The following KIAA1671 variants were observed in gnomAD, a reference collection of about 807,000 sequenced individuals.
KIAA1671 encodes uncharacterized protein KIAA1671.
KIAA1671 carries 52 observed loss-of-function variants against 131.2 expected under a neutral mutation model. The observed-to-expected ratio is 0.40, with a 90% confidence interval of 0.32 to 0.50. The LOEUF is 0.50. KIAA1671 is among the 20% of genes least tolerant of loss of function. The probability of loss-of-function intolerance (pLI) is 0.73; values close to 1 mark genes in which losing one functional copy is unlikely to be tolerated. For synonymous variants in KIAA1671, 1,003 were observed against 961.6 expected (o/e 1.04, Z -0.80); for missense variants, 2,360 against 2,364.2 (o/e 1.00, Z 0.04).
At chr22:25,171,583 T>C (rs1207575908) in intron 7 of KIAA1671, among the ~76,000 whole-genome samples, 1 of 151,970 alleles carries the variant, frequency 6.6e-6, no homozygotes, top group Non-Finnish European at 1.5e-5. Context: ...GGTGTGGTGG[T>C]GGGCACCTGT....
chr22:25,078,649 C>T (rs1383780602), intron 6 of KIAA1671, among the ~76,000 whole-genome samples: 6 of 152,208 alleles, frequency 3.9e-5, no homozygotes, highest in Non-Finnish European at 7.4e-5. Context: ...CATACGCACA[C>T]CGTAAGCAAT....
rs376879170 is a variant in KIAA1671 at position 25,173,843 on chromosome 22, TGGAAATCCAGTGTGTAAGGTATA to T, written c.4650-378_4650-356del. Among the ~76,000 whole-genome samples, 707 of 152,324 alleles carry T rather than the reference TGGAAATCCAGTGTGTAAGGTATA, an allele frequency of 4.6e-3. 5 individuals are homozygous for T. The highest frequency in any genetic ancestry group is 0.016 in the African/African-American group (669 of 41,564). ...CATTCTTTTTTTCTATTCAAAGTAT[TGGAAATCCAGTGTGTAAGGTATA>T]GGAAATCCAGTGTGTAAGATGCTCA... On this transcript the variant is annotated intron_variant, in intron 7 of 12. Coordinates refer to ENST00000358431, the MANE Select transcript of KIAA1671 (RefSeq NM_001145206.2).
rs568184163 is a variant in KIAA1671 at position 25,179,131 on chromosome 22, G to A, written c.5074+1609G>A. Among the ~76,000 whole-genome samples the A allele has an allele frequency of 2.8e-4, 43 of 152,312 alleles. 1 individual carries two copies. Among genetic ancestry groups the A allele is most frequent in the Admixed American group, 2.7e-3 (41 of 15,310 alleles). ...CCCGGCGGCTCCTGCAGGGGAAGCC[G>A]TGGTCAGCGACTCACCACGAGGACA... is the stretch of plus-strand genomic sequence containing the variant. On this transcript the variant is annotated intron_variant, in intron 9 of 12. Transcript: ENST00000358431.
intron 1 of KIAA1671, among the ~76,000 whole-genome samples, chr22:24,978,090 G>A (rs1412040400): frequency 1.3e-5 from 2 of 151,968 alleles, no homozygotes; most frequent in Admixed American, 6.6e-5. Context: ...TTTCATCCCC[G>A]CAACAGCCCC....
rs115815007 is a variant in KIAA1671, at chr22:24,998,248, A to G, written c.-207-27385A>G. Among the ~76,000 whole-genome samples, 1,469 of 152,152 alleles carry G rather than the reference A, an allele frequency of 9.7e-3. 32 individuals are homozygous for G. The highest frequency in any genetic ancestry group is 0.034 in the African/African-American group (1,406 of 41,490). On this transcript the variant is annotated intron_variant, in intron 1 of 12. Transcript: ENST00000358431. ...AAACCCCATCTCTACAAAAAAATAAAACACAACAACAAAAAATTAGACGGG... is the reference window on the plus strand; with the variant it reads ...AAACCCCATCTCTACAAAAAAATAAGACACAACAACAAAAAATTAGACGGG...
At chr22:25,074,443 T>C (rs1037571242) in intron 6 of KIAA1671, among the ~76,000 whole-genome samples, 3 of 137,832 alleles carry the variant, frequency 2.2e-5, no homozygotes, top group Non-Finnish European at 4.5e-5. Flanking sequence ...AGCCGGAGGT[T>C]GCAGTGAGCC....
intron 1 of KIAA1671, among the ~76,000 whole-genome samples, chr22:25,020,364 A>G (rs1925597870): frequency 6.6e-6 from 1 of 152,240 alleles, no homozygotes; most frequent in African/African-American, 2.4e-5. Flanking sequence ...TTGAAAGTGA[A>G]TATTGCCGAA....
chr22:25,178,050 A>C (rs1192092086), intron 9 of KIAA1671, among the ~76,000 whole-genome samples: 2 of 152,152 alleles, frequency 1.3e-5, no homozygotes, highest in Admixed American at 6.5e-5. Context: ...TCTGGGTCCT[A>C]AGAGAACTCA....
chr22:24,979,358 A>ATT lies in KIAA1671; in HGVS notation c.-208+26594_-208+26595dup, dbSNP rs60107890. 3.9e-4 allele frequency among the ~76,000 whole-genome samples: 49 copies of ATT among 125,326 alleles called. 1 individual carries two copies. Among genetic ancestry groups the ATT allele is most frequent in the African/African-American group, 1.4e-3 (44 of 32,142 alleles). The allele number at this position is 125,326 out of a possible 152,430, so 82.2% of individuals were successfully genotyped here. A position where few individuals can be genotyped will look rare whatever the true frequency, so the allele number is the denominator to read the frequency against. On this transcript the variant is annotated intron_variant, in intron 1 of 12. Transcript: ENST00000358431. ...ATTTTATTTATTTATTTATTTATTT[A>ATT]TTTTTTTTTGAGACGGAGTCTCGCT...
chr22:25,133,717 A>C (rs572673270), intron 6 of KIAA1671, among the ~76,000 whole-genome samples: 1 of 151,606 alleles, frequency 6.6e-6, no homozygotes, highest in African/African-American at 2.4e-5. Flanking sequence ...TAATTAAAAA[A>C]TTTTTTTTCT....
intron 3 of KIAA1671, among the ~76,000 whole-genome samples, chr22:25,031,402 TAGTC>T (rs1926284381): frequency 2.0e-5 from 3 of 152,186 alleles, no homozygotes; most frequent in South Asian, 4.2e-4. Context: ...TTCACCGTGT[TAGTC>T]AGGATGGTCT....
intron 1 of KIAA1671, among the ~76,000 whole-genome samples, chr22:25,002,584 G>A (rs1398378354): frequency 2.0e-5 from 3 of 152,074 alleles, no homozygotes; most frequent in Admixed American, 2.0e-4. Flanking sequence ...AACTGCAGAT[G>A]TCCTCAGGCC....
At chr22:25,179,737 T>C (rs550754820) in intron 9 of KIAA1671, among the ~76,000 whole-genome samples, 1 of 152,242 alleles carries the variant, frequency 6.6e-6, no homozygotes, top group Admixed American at 6.5e-5. Flanking sequence ...CATAGCTTAA[T>C]AAGGTTTTAC....
At chr22:25,000,209 T>TAAATGTAGCTTTCGATGTTG (rs1241803812) in intron 1 of KIAA1671, among the ~76,000 whole-genome samples, 11 of 72,266 alleles carry the variant, frequency 1.5e-4, no homozygotes, top group South Asian at 1.0e-3. Flanking sequence ...TTTTTTTTTT[T>TAAATGTAGCTTTCGATGTTG]TTGAGACGGA....
chr22:25,193,089 A>G lies in KIAA1671; in HGVS notation c.*688A>G, dbSNP rs916205217. On this transcript the variant is annotated 3_prime_UTR_variant, in exon 13 of 13. Transcript: ENST00000358431. ...GTTTGCTTTAGAAGGCGATAAAGCAATAATTCAGCTAATTTTCTTTGAAAC... is the reference window on the plus strand; with the variant it reads ...GTTTGCTTTAGAAGGCGATAAAGCAGTAATTCAGCTAATTTTCTTTGAAAC... 3 of 152,218 alleles carry G rather than the reference A, an allele frequency of 2.0e-5. No individual in the cohort carries two copies. Among genetic ancestry groups the G allele is most frequent in the African/African-American group, 7.2e-5 (3 of 41,456 alleles). The allele number at this position is 152,218 out of a possible 1,614,324, so 9.4% of individuals were successfully genotyped here. A position where few individuals can be genotyped will look rare whatever the true frequency, so the allele number is the denominator to read the frequency against.
In KIAA1671 at chr22:25,184,896, A is replaced by C. The variant is rs1934417910; in HGVS notation, c.5200-81A>C. 4 of 1,515,740 alleles carry C rather than the reference A, an allele frequency of 2.6e-6. No homozygotes were observed. In the South Asian group the frequency reaches 4.8e-5, roughly 18 times the overall value. The allele number at this position is 1,515,740 out of a possible 1,614,324, so 93.9% of individuals were successfully genotyped here. A position where few individuals can be genotyped will look rare whatever the true frequency, so the allele number is the denominator to read the frequency against. On this transcript the variant is annotated intron_variant, in intron 10 of 12. Coordinates refer to ENST00000358431, the MANE Select transcript of KIAA1671 (RefSeq NM_001145206.2). Reference sequence around the variant, plus strand: ...GGCCCCGAGTGTTTGCAGAAGGCTCATTGTACCTGACATTTGCATGGGAGG... The same window carrying C: ...GGCCCCGAGTGTTTGCAGAAGGCTCCTTGTACCTGACATTTGCATGGGAGG...
chr22:25,139,913 A>C (rs769079766), intron 6 of KIAA1671, among the ~76,000 whole-genome samples: 1 of 152,256 alleles, frequency 6.6e-6, no homozygotes, highest in Non-Finnish European at 1.5e-5. Flanking sequence ...TAGAAAGCAC[A>C]TGGAGGTCTT....
chr22:24,996,442 A>G (rs1924143102), intron 1 of KIAA1671, among the ~76,000 whole-genome samples: 1 of 151,898 alleles, frequency 6.6e-6, no homozygotes, highest in African/African-American at 2.4e-5. Context: ...TCCTTTTCAG[A>G]CTTAGCTTTG....
chr22:25,012,927 G>T (rs772436279), intron 1 of KIAA1671: 5 of 152,256 alleles, frequency 3.3e-5, no homozygotes, highest in Admixed American at 6.6e-5. Context: ...TTGTGTCCCA[G>T]GTGGCTACCT....
Sources: allele counts gnomAD v4.1 joint callset (sites outside exome capture counted in the v4.1 genomes callset), GRCh38; gene constraint gnomAD v4.1.1; transcripts MANE v1.5; gene names NCBI Gene and HGNC (gene_info 2026-07-23, HGNC 2026-07-21).